Variants in OLFM3 observed in about 807,000 individuals in gnomAD.
OLFM3 encodes the protein olfactomedin 3.
A neutral mutation model predicts 48.6 loss-of-function variants in OLFM3; 20 were observed. The observed-to-expected ratio is 0.41, with a 90% confidence interval of 0.29 to 0.60. The LOEUF is 0.60. OLFM3 is among the 20% of genes least tolerant of loss of function. The pLI is 0.28. For missense variants in OLFM3, 437 were observed against 544.3 expected (o/e 0.80, Z 1.96); for synonymous variants, 222 against 198.1 (o/e 1.12, Z -1.01).
chr1:101,996,834 C>T lies in OLFM3; in HGVS notation c.-18G>A, dbSNP rs757386715. 4 of 1,613,860 alleles carry T rather than the reference C, an allele frequency of 2.5e-6. No individual in the cohort carries two copies. Among genetic ancestry groups the T allele is most frequent in the Non-Finnish European group, 2.5e-6 (3 of 1,179,754 alleles). On this transcript the variant is annotated 5_prime_UTR_variant, in exon 1 of 6. Coordinates refer to ENST00000370103, the MANE Select transcript of OLFM3 (RefSeq NM_058170.4). ...GCCTGCATTCTGATCTGGGTTTTTG[C>T]CCCTCTTTACTCTCTTTTATGTAGG...
chr1:101,821,932 A>G (rs1654624136), intron 4 of OLFM3, among the ~76,000 whole-genome samples: 1 of 152,134 alleles, frequency 6.6e-6, no homozygotes, highest in Admixed American at 6.6e-5. Flanking sequence ...TTGACAATCA[A>G]ATTCTTTCTA....
intron 1 of OLFM3, among the ~76,000 whole-genome samples, chr1:101,859,012 A>T (rs1317620829): frequency 6.6e-6 from 1 of 152,086 alleles, no homozygotes; most frequent in Non-Finnish European, 1.5e-5. Flanking sequence ...AGGAAAGGCC[A>T]TTTCAACACT....
chr1:101,915,893 T>C (rs962110800), intron 1 of OLFM3, among the ~76,000 whole-genome samples: 4 of 152,172 alleles, frequency 2.6e-5, no homozygotes, highest in Admixed American at 6.5e-5. Context: ...AGCACAGCTA[T>C]TAATAATACT....
At chr1:101,820,269 A>T (rs1654545888) in intron 4 of OLFM3, among the ~76,000 whole-genome samples, 1 of 152,084 alleles carries the variant, frequency 6.6e-6, no homozygotes, top group Non-Finnish European at 1.5e-5. Context: ...CTAATGCTTC[A>T]CTAGATGGCA....
intron 1 of OLFM3, among the ~76,000 whole-genome samples, chr1:101,995,302 G>T (rs1230899659): frequency 6.6e-6 from 1 of 151,982 alleles, no homozygotes; most frequent in African/African-American, 2.4e-5. Context: ...AAAAAGAGTG[G>T]CAGTGGATAG....
At position 101,818,884 on chromosome 1, in the gene OLFM3, C is replaced by A. The variant is rs76082385; in HGVS notation, c.592+6142G>T. Among the ~76,000 whole-genome samples, 216 of 152,214 alleles carry A rather than the reference C, an allele frequency of 1.4e-3. 3 individuals carry two copies. In the East Asian group the frequency reaches 0.039, roughly 28 times the overall value. ...TTTACAAATCAAATTTGCTCTTGAC[C>A]ATTCTGCAGATACTAATTTTTGTCC... is the stretch of plus-strand genomic sequence containing the variant. On this transcript the variant is annotated intron_variant, in intron 4 of 5. Transcript: ENST00000370103.
intron 1 of OLFM3, among the ~76,000 whole-genome samples, chr1:101,916,511 A>G (rs1401811220): frequency 6.6e-6 from 1 of 152,156 alleles, no homozygotes; most frequent in Non-Finnish European, 1.5e-5. Flanking sequence ...TGAATTTTCA[A>G]TTTTTGTGAT....
At chr1:101,923,122 C>T (rs933329809) in intron 1 of OLFM3, among the ~76,000 whole-genome samples, 17 of 152,178 alleles carry the variant, frequency 1.1e-4, no homozygotes, top group African/African-American at 3.9e-4. Context: ...TTCTGGATGC[C>T]AGGTGGTCTT....
At chr1:101,966,317 T>TTTTTTGTGTGTGTGTGTG (rs371512942) in intron 1 of OLFM3, among the ~76,000 whole-genome samples, 1 of 128,062 alleles carries the variant, frequency 7.8e-6, no homozygotes, top group African/African-American at 3.0e-5. Flanking sequence ...CCTGGCTAAT[T>TTTTTTGTGTGTGTGTGTG]TGTGTGTGTG....
intron 1 of OLFM3, among the ~76,000 whole-genome samples, chr1:101,886,940 T>C (rs768090411): frequency 1.6e-4 from 24 of 152,112 alleles, no homozygotes; most frequent in Non-Finnish European, 3.1e-4. Context: ...TTTCCTCCTA[T>C]GGACTACCCT....
intron 1 of OLFM3, among the ~76,000 whole-genome samples, chr1:101,922,295 G>A (rs1456208189): frequency 1.3e-5 from 2 of 152,150 alleles, no homozygotes; most frequent in Non-Finnish European, 2.9e-5. Flanking sequence ...CTTTAGTTTA[G>A]TAAGTGCTTA....
chr1:101,975,258 A>G (rs945648), intron 1 of OLFM3, among the ~76,000 whole-genome samples: 37,671 of 152,100 alleles, frequency 0.25, 5,239 homozygotes, highest in Middle Eastern at 0.36. Context: ...ACACACCTAC[A>G]TAGTCTCATG....
intron 1 of OLFM3, among the ~76,000 whole-genome samples, chr1:101,963,956 T>C (rs141051063): frequency 1.3e-5 from 2 of 152,326 alleles, no homozygotes; most frequent in Non-Finnish European, 2.9e-5. Context: ...ACTCTCCTTA[T>C]TCATGTTAAT....
rs12038887 is a variant in OLFM3, at chr1:101,821,527, G to T, written c.592+3499C>A. On this transcript the variant is annotated intron_variant, in intron 4 of 5. Transcript: ENST00000370103. Reference sequence around the variant, plus strand: ...TGGACGTTTTCTACATTGTAATTAAGGGTTGTGGTCCAGCGGATAAAATAT... The same window carrying T: ...TGGACGTTTTCTACATTGTAATTAATGGTTGTGGTCCAGCGGATAAAATAT... Among the ~76,000 whole-genome samples the T allele has an allele frequency of 2.0e-5, 3 of 151,892 alleles. No individual in the cohort carries two copies. In the East Asian group the frequency reaches 5.8e-4, roughly 29 times the overall value.
chr1:101,894,277 G>T (rs916176921), intron 1 of OLFM3, among the ~76,000 whole-genome samples: 2 of 152,048 alleles, frequency 1.3e-5, no homozygotes, highest in Non-Finnish European at 2.9e-5. Context: ...TTTTAAATTT[G>T]GTTTCCAGAG....
At chr1:101,994,493 A>C (rs1287934515) in intron 1 of OLFM3, among the ~76,000 whole-genome samples, 1 of 150,308 alleles carries the variant, frequency 6.7e-6, no homozygotes, top group Non-Finnish European at 1.5e-5. Flanking sequence ...TAGAATGAAA[A>C]ATAAAATTTT....
At chr1:101,858,706 C>T (rs976142804) in intron 1 of OLFM3, among the ~76,000 whole-genome samples, 3 of 152,032 alleles carry the variant, frequency 2.0e-5, no homozygotes, top group African/African-American at 7.3e-5. Context: ...TCTTCACTCT[C>T]TTCCTCCTGT....
rs571919254 is a variant in OLFM3 at position 101,872,680 on chromosome 1, T to C, written c.70-35655A>G. Among the ~76,000 whole-genome samples, 9 of 152,120 alleles carry C rather than the reference T, an allele frequency of 5.9e-5. No homozygotes were observed. In the East Asian group the frequency reaches 1.5e-3, roughly 26 times the overall value. Reference sequence around the variant, plus strand: ...ATGATGATGAATGATAATTATTCTGTAATGAAACCTCAACTTGGCATCAAC... The same window carrying C: ...ATGATGATGAATGATAATTATTCTGCAATGAAACCTCAACTTGGCATCAAC... On this transcript the variant is annotated intron_variant, in intron 1 of 5. Coordinates refer to ENST00000370103, the MANE Select transcript of OLFM3 (RefSeq NM_058170.4).
chr1:101,816,249 A>G (rs1009469441), intron 4 of OLFM3, among the ~76,000 whole-genome samples: 13 of 152,212 alleles, frequency 8.5e-5, no homozygotes, highest in African/African-American at 3.1e-4. Flanking sequence ...GATTCTTTCA[A>G]GGGAAAAGAA....
Sources: gnomAD v4.1 joint callset for allele counts (sites outside exome capture counted in the v4.1 genomes callset) on GRCh38, gnomAD v4.1.1 for gene constraint, MANE v1.5 for transcripts, NCBI Gene and HGNC (gene_info 2026-07-23, HGNC 2026-07-21) for gene names.